Variants in TMEM123 observed in about 807,000 individuals in gnomAD.
The protein encoded by TMEM123 is porimin.
Under a neutral mutation model 19.7 loss-of-function variants are expected in TMEM123, and 16 were observed. The ratio of observed to expected loss-of-function variants is 0.81; its 90% CI spans 0.55 to 1.23. The LOEUF (loss-of-function observed/expected upper bound fraction) is 1.23, where lower values mean the gene tolerates loss of function less well. Among genes scored for constraint, TMEM123 ranks in the 50% most tolerant of loss-of-function variants. The pLI, the probability that TMEM123 is intolerant of heterozygous loss-of-function variation, is 0.00. For missense variants in TMEM123, 313 were observed against 257.8 expected (o/e 1.21, Z -1.47); for synonymous variants, 118 against 99.4 (o/e 1.19, Z -1.12).
In TMEM123 at chr11:102,448,867, T is replaced by C; in HGVS notation, c.102A>G (p.Ala34=). ...GAAHESAAMA[A]SANIENSGLP... Reference sequence around the variant, plus strand: ...GCCCAGAATTCTCTATGTTTGCAGATGCTGTAAAAATAAAGAAATATCCTG... The same window carrying C: ...GCCCAGAATTCTCTATGTTTGCAGACGCTGTAAAAATAAAGAAATATCCTG... The change falls in exon 2 of 5, where the codon GCA becomes GCG. Residue 34 remains alanine, a splice_region_variant and synonymous_variant. Coordinates refer to ENST00000398136, the MANE Select transcript of TMEM123 (RefSeq NM_052932.3). The C allele has an allele frequency of 6.2e-7, 1 of 1,613,550 alleles. No individual in the cohort carries two copies. Among genetic ancestry groups the C allele is most frequent in the Non-Finnish European group, 8.5e-7 (1 of 1,179,580 alleles).
intron 2 of TMEM123, among the ~76,000 whole-genome samples, chr11:102,436,319 C>T (rs192484209): frequency 6.6e-5 from 10 of 151,950 alleles, no homozygotes; most frequent in East Asian, 3.9e-4. Context: ...TGCATCACCA[C>T]GCCTGGCTAA....
At chr11:102,441,300 A>G (rs574038248) in intron 2 of TMEM123, among the ~76,000 whole-genome samples, 1 of 152,178 alleles carries the variant, frequency 6.6e-6, no homozygotes, top group African/African-American at 2.4e-5. Context: ...GAAGTAAAGC[A>G]CTCCTCAGCA....
intron 2 of TMEM123, among the ~76,000 whole-genome samples, chr11:102,404,052 A>C (rs1445660312): frequency 6.6e-6 from 1 of 152,116 alleles, no homozygotes; most frequent in Non-Finnish European, 1.5e-5. Context: ...GCAACACAAA[A>C]TGTACTAAGA....
At chr11:102,439,689 C>A (rs1307862804) in intron 2 of TMEM123, among the ~76,000 whole-genome samples, 3 of 152,138 alleles carry the variant, frequency 2.0e-5, no homozygotes, top group African/African-American at 7.2e-5. Context: ...CAAAGCTGGA[C>A]GGAGAATGAC....
Position 102,398,691 on chromosome 11 carries a change from C to T in TMEM123, c.*176G>A. 1 of 652,056 alleles carries T rather than the reference C, an allele frequency of 1.5e-6. No homozygotes were observed. Among genetic ancestry groups the T allele is most frequent in the South Asian group, 2.1e-5 (1 of 47,314 alleles). 40.4% of individuals were successfully genotyped at this position (652,056 alleles called of 1,614,324 possible). On this transcript the variant is annotated 3_prime_UTR_variant, in exon 5 of 5. Transcript: ENST00000398136. ...AGGATCCAGATGTTTATTTCAAAAC[C>T]CAAACCCTTGTTACCTTGAAGAATC... is the stretch of plus-strand genomic sequence containing the variant.
chr11:102,421,667 C>A (rs925790303), intron 2 of TMEM123, among the ~76,000 whole-genome samples: 1 of 151,956 alleles, frequency 6.6e-6, no homozygotes, highest in African/African-American at 2.4e-5. Context: ...TGTTTTCTTG[C>A]AAGACAAAGG....
chr11:102,440,098 G>A (rs1420879150), intron 2 of TMEM123, among the ~76,000 whole-genome samples: 1 of 152,200 alleles, frequency 6.6e-6, no homozygotes, highest in East Asian at 1.9e-4. Context: ...GTGACGGGGA[G>A]CGTGGAACCA....
intron 4 of TMEM123, among the ~76,000 whole-genome samples, chr11:102,399,629 TG>T (rs1180051707): frequency 1.3e-5 from 2 of 152,228 alleles, no homozygotes; most frequent in African/African-American, 4.8e-5. Context: ...AAAGTGAGTT[TG>T]ATATGATAAA....
chr11:102,411,288 G>T (rs1032627278), intron 2 of TMEM123, among the ~76,000 whole-genome samples: 2 of 152,176 alleles, frequency 1.3e-5, no homozygotes, highest in African/African-American at 2.4e-5. Context: ...ACACATGGAG[G>T]TGCTGAGACG....
intron 2 of TMEM123, among the ~76,000 whole-genome samples, chr11:102,441,444 C>A (rs1336974816): frequency 6.6e-6 from 1 of 152,168 alleles, no homozygotes; most frequent in South Asian, 2.1e-4. Context: ...TGAATGACTA[C>A]TGGGTACATA....
chr11:102,443,587 A>G (rs1048931416), intron 2 of TMEM123, among the ~76,000 whole-genome samples: 2 of 152,228 alleles, frequency 1.3e-5, no homozygotes, highest in African/African-American at 2.4e-5. Context: ...TAAAACCATA[A>G]AAACCCTAGA....
At chr11:102,444,815 T>C (rs1857864936) in intron 2 of TMEM123, among the ~76,000 whole-genome samples, 1 of 151,238 alleles carries the variant, frequency 6.6e-6, no homozygotes, top group Admixed American at 6.6e-5. Flanking sequence ...GTGGCACATA[T>C]ACACCATGGA....
rs1301790570 is a variant in TMEM123 at position 102,398,905 on chromosome 11, A to C, written c.603-14T>G. On this transcript the variant is annotated splice_polypyrimidine_tract_variant and intron_variant, in intron 4 of 4. Transcript: ENST00000398136. ...TCATGTTCATCTCTGTAATATATTA[A>C]AAGTTACAATTACTTTGTTTTGTTT... 2 of 1,604,312 alleles carry C rather than the reference A, an allele frequency of 1.2e-6. No individual in the cohort carries two copies. The highest frequency in any genetic ancestry group is 1.7e-6 in the Non-Finnish European group (2 of 1,176,612).
At chr11:102,437,460 A>C (rs1170586758) in intron 2 of TMEM123, among the ~76,000 whole-genome samples, 2 of 150,636 alleles carry the variant, frequency 1.3e-5, no homozygotes, top group Non-Finnish European at 3.0e-5. Flanking sequence ...TCTATCTCAA[A>C]AAAAAAAAAA....
At chr11:102,444,091 T>C (rs1857856783) in intron 2 of TMEM123, among the ~76,000 whole-genome samples, 3 of 152,216 alleles carry the variant, frequency 2.0e-5, no homozygotes, top group Non-Finnish European at 2.9e-5. Flanking sequence ...ACTTTTACGC[T>C]GTTGGTGGGA....
intron 2 of TMEM123, among the ~76,000 whole-genome samples, chr11:102,424,739 C>G (rs1357608790): frequency 1.3e-5 from 2 of 151,022 alleles, no homozygotes; most frequent in African/African-American, 4.9e-5. Flanking sequence ...ACAGAAGACC[C>G]TGAGTTTCAT....
chr11:102,396,855 T>TTCTA lies in TMEM123; in HGVS notation c.*2008_*2011dup, dbSNP rs1256376193. 2 of 152,316 alleles carry TTCTA rather than the reference T, an allele frequency of 1.3e-5. No homozygotes were observed. The highest frequency in any genetic ancestry group is 2.1e-4 in the South Asian group (1 of 4,828). 9.4% of individuals were successfully genotyped at this position (152,316 alleles called of 1,614,324 possible). On this transcript the variant is annotated 3_prime_UTR_variant, in exon 5 of 5. Coordinates refer to ENST00000398136, the MANE Select transcript of TMEM123 (RefSeq NM_052932.3). Reference sequence around the variant, plus strand: ...TGACTTAGTACTTAAAAAGTGGTTTTTCTATCTTCAAAGTGCTAAAGAAAC... The same window carrying TTCTA: ...TGACTTAGTACTTAAAAAGTGGTTTTTCTATCTATCTTCAAAGTGCTAAAGAAAC...
intron 2 of TMEM123, among the ~76,000 whole-genome samples, chr11:102,409,301 G>T (rs1378610946): frequency 6.6e-6 from 1 of 152,124 alleles, no homozygotes; most frequent in Non-Finnish European, 1.5e-5. Context: ...TCTGCAGCTT[G>T]AGTAAATTTA....
In TMEM123 at chr11:102,398,804, TAAAC is replaced by T; in HGVS notation, c.*59_*62del. 6.4e-7 allele frequency: 1 copy of T among 1,562,212 alleles called. No individual in the cohort carries two copies. Among genetic ancestry groups the T allele is most frequent in the Non-Finnish European group, 8.7e-7 (1 of 1,143,144 alleles). ...AGAGAATATTGTTTTAAACTATTAA[TAAAC>T]CAAAATTAATTGATAGGGCAGCATC... On this transcript the variant is annotated 3_prime_UTR_variant, in exon 5 of 5. Coordinates refer to ENST00000398136, the MANE Select transcript of TMEM123 (RefSeq NM_052932.3).
Sources: allele counts gnomAD v4.1 joint callset (sites outside exome capture counted in the v4.1 genomes callset), GRCh38; gene constraint gnomAD v4.1.1; transcripts MANE v1.5; gene names NCBI Gene and HGNC (gene_info 2026-07-23, HGNC 2026-07-21).